Variants in OXCT1 observed in about 807,000 individuals in gnomAD.
The protein encoded by OXCT1 is 3-oxoacid CoA-transferase 1.
A neutral mutation model predicts 69.6 loss-of-function variants in OXCT1; 27 were observed. The ratio of observed to expected loss-of-function variants is 0.39; its 90% CI spans 0.29 to 0.54. OXCT1 has a LOEUF of 0.54. Among genes scored for constraint, OXCT1 ranks in the 20% least tolerant of loss-of-function variants. The pLI is 0.72. For synonymous variants in OXCT1, 202 were observed against 217.8 expected, an observed-to-expected ratio of 0.93 and a Z score of 0.64; for missense variants, 437 against 650.2, an observed-to-expected ratio of 0.67 and a Z score of 3.57.
chr5:41,796,890 A>T (rs1322052800), intron 11 of OXCT1, among the ~76,000 whole-genome samples: 1 of 152,186 alleles, frequency 6.6e-6, no homozygotes, highest in Non-Finnish European at 1.5e-5. Flanking sequence ...AGCTACTTAT[A>T]AAAGAGATAA....
In OXCT1 at chr5:41,842,670, A is replaced by C. The variant is rs1209127176; in HGVS notation, c.671+5T>G. The C allele has an allele frequency of 6.3e-7, 1 of 1,599,162 alleles. No individual in the cohort carries two copies. The highest frequency in any genetic ancestry group is 2.2e-5 in the East Asian group (1 of 44,806). On this transcript the variant is annotated splice_donor_5th_base_variant and intron_variant, in intron 6 of 16. Transcript: ENST00000196371. ...GCACGAGTGTTTTTAAAACTATCAC[A>C]ATACCTGAAAATCACGTTTCCTGCT...
chr5:41,748,047 C>T (rs1743591063), intron 15 of OXCT1, among the ~76,000 whole-genome samples: 2 of 152,050 alleles, frequency 1.3e-5, no homozygotes, highest in African/African-American at 4.8e-5. Context: ...GTTGGGAACA[C>T]TCTGGTTCAA....
At chr5:41,869,977 AGC>A in intron 1 of OXCT1, 31 of 439,366 alleles carry the variant, frequency 7.1e-5, no homozygotes, top group South Asian at 1.9e-4. Flanking sequence ...GAAGCCGACG[AGC>A]GCCAAAGGGC....
At chr5:41,855,516 C>T (rs559568415) in intron 3 of OXCT1, among the ~76,000 whole-genome samples, 140 of 152,294 alleles carry the variant, frequency 9.2e-4, no homozygotes, top group African/African-American at 3.0e-3. Flanking sequence ...ATCTCTCCCT[C>T]CTAATTCCTT....
At chr5:41,853,011 C>T (rs540665143) in intron 4 of OXCT1, among the ~76,000 whole-genome samples, 13 of 151,832 alleles carry the variant, frequency 8.6e-5, no homozygotes, top group Non-Finnish European at 1.6e-4. Context: ...GTGGAGTTTG[C>T]AGTGAGCCGA....
At chr5:41,745,311 T>G (rs1196053645) in intron 15 of OXCT1, among the ~76,000 whole-genome samples, 2 of 152,008 alleles carry the variant, frequency 1.3e-5, no homozygotes, top group African/African-American at 4.8e-5. Flanking sequence ...ACTGGGTACA[T>G]AACGAAATGA....
At chr5:41,808,559 A>G (rs1034135815) in intron 7 of OXCT1, among the ~76,000 whole-genome samples, 9 of 152,134 alleles carry the variant, frequency 5.9e-5, no homozygotes, top group Non-Finnish European at 1.3e-4. Context: ...GATAAAAGCT[A>G]TCTTCTTTGA....
At chr5:41,757,986 G>C (rs535863758) in intron 14 of OXCT1, among the ~76,000 whole-genome samples, 3 of 152,210 alleles carry the variant, frequency 2.0e-5, no homozygotes, top group African/African-American at 7.2e-5. Context: ...CAATCTGGCA[G>C]TCGTGTGCTT....
intron 13 of OXCT1, among the ~76,000 whole-genome samples, chr5:41,786,424 G>A (rs1745646259): frequency 6.6e-6 from 1 of 152,014 alleles, no homozygotes; most frequent in South Asian, 2.1e-4. Flanking sequence ...GAAGAGGAGG[G>A]GAGTAGAGAA....
chr5:41,787,603 C>G (rs892127809), intron 13 of OXCT1, among the ~76,000 whole-genome samples: 5 of 121,560 alleles, frequency 4.1e-5, no homozygotes, highest in Non-Finnish European at 6.8e-5. Context: ...TTAGTCAAAG[C>G]CTGAAAAAGA....
intron 13 of OXCT1, among the ~76,000 whole-genome samples, chr5:41,792,331 G>A (rs1745963434): frequency 6.6e-6 from 1 of 151,986 alleles, no homozygotes; most frequent in South Asian, 2.1e-4. Flanking sequence ...CTCACTACAG[G>A]GCCTTGCTCT....
In OXCT1 at chr5:41,837,486, C is replaced by A. The variant is rs552683211; in HGVS notation, c.732+2965G>T. ...GAATGAAAAGAGTCCAAGAGAAAGA[C>A]TGAATGAATGCACGGGGCCACTGAA... On this transcript the variant is annotated intron_variant, in intron 7 of 16. Coordinates refer to ENST00000196371, the MANE Select transcript of OXCT1 (RefSeq NM_000436.4). Among the ~76,000 whole-genome samples, 28 of 151,434 alleles carry A rather than the reference C, an allele frequency of 1.8e-4. No homozygotes were observed. The East Asian group carries it at 2.1e-3, about 12-fold the overall frequency.
intron 7 of OXCT1, among the ~76,000 whole-genome samples, chr5:41,819,199 A>G (rs865976182): frequency 6.6e-6 from 1 of 152,212 alleles, no homozygotes; most frequent in Non-Finnish European, 1.5e-5. Flanking sequence ...CAAAATTAGG[A>G]AAAGGAATCC....
intron 3 of OXCT1, among the ~76,000 whole-genome samples, chr5:41,856,593 G>T (rs1749439865): frequency 6.6e-6 from 1 of 152,010 alleles, no homozygotes; most frequent in African/African-American, 2.4e-5. Flanking sequence ...CTGACACAAT[G>T]AACACTTCAA....
intron 7 of OXCT1, among the ~76,000 whole-genome samples, chr5:41,815,660 T>A (rs1285201890): frequency 6.6e-6 from 1 of 152,152 alleles, no homozygotes; most frequent in Non-Finnish European, 1.5e-5. Flanking sequence ...CCAAAGGAAT[T>A]AAAATACATC....
At position 41,845,682 on chromosome 5, in the gene OXCT1, T is replaced by G. The variant is rs150282373; in HGVS notation, c.565-2901A>C. Among the ~76,000 whole-genome samples the G allele has an allele frequency of 2.8e-3, 424 of 152,274 alleles. 5 individuals carry two copies. Among genetic ancestry groups the G allele is most frequent in the African/African-American group, 9.5e-3 (393 of 41,578 alleles). ...ACCTGATTCCAGGCAGAAATGAACCTAAGAAATATTTTAGTCTCATATTTT... is the reference window on the plus strand; with the variant it reads ...ACCTGATTCCAGGCAGAAATGAACCGAAGAAATATTTTAGTCTCATATTTT... On this transcript the variant is annotated intron_variant, in intron 5 of 16. Transcript: ENST00000196371.
At chr5:41,831,928 C>T (rs1748116715) in intron 7 of OXCT1, among the ~76,000 whole-genome samples, 1 of 152,204 alleles carries the variant, frequency 6.6e-6, no homozygotes, top group Non-Finnish European at 1.5e-5. Flanking sequence ...GGATGGCAGA[C>T]ATACCCATGA....
At chr5:41,775,786 T>G (rs897130225) in intron 13 of OXCT1, among the ~76,000 whole-genome samples, 1 of 152,160 alleles carries the variant, frequency 6.6e-6, no homozygotes, top group African/African-American at 2.4e-5. Flanking sequence ...GGGCTTATTA[T>G]GAATAACAAA....
chr5:41,787,558 A>C (rs1745699374), intron 13 of OXCT1, among the ~76,000 whole-genome samples: 1 of 147,884 alleles, frequency 6.8e-6, no homozygotes, highest in African/African-American at 2.5e-5. Flanking sequence ...TCAAGTCTTT[A>C]GCAGAGTATG....
Sources: allele counts gnomAD v4.1 joint callset (sites outside exome capture counted in the v4.1 genomes callset), GRCh38; gene constraint gnomAD v4.1.1; transcripts MANE v1.5; gene names NCBI Gene and HGNC (gene_info 2026-07-23, HGNC 2026-07-21).